Variants in PRKCA observed in about 807,000 individuals in gnomAD.
PRKCA encodes protein kinase C alpha type.
A neutral mutation model predicts 87.0 loss-of-function variants in PRKCA; 27 were observed. The observed-to-expected ratio is 0.31, with a 90% CI of 0.23 to 0.43. PRKCA has a LOEUF of 0.43. Among genes scored for constraint, PRKCA ranks in the 20% least tolerant of loss-of-function variants. The pLI, the probability that PRKCA is intolerant of heterozygous loss-of-function variation, is 1.00. For synonymous variants in PRKCA, 329 were observed against 311.1 expected, an observed-to-expected ratio of 1.06 and a Z score of -0.61; for missense variants, 518 against 852.3, an observed-to-expected ratio of 0.61 and a Z score of 4.88.
intron 2 of PRKCA, among the ~76,000 whole-genome samples, chr17:66,322,177 C>T (rs1905708972): frequency 6.6e-6 from 1 of 152,092 alleles, no homozygotes; most frequent in Admixed American, 6.6e-5. Flanking sequence ...GATCTTATGT[C>T]ATTGCCTGGT....
intron 13 of PRKCA, among the ~76,000 whole-genome samples, chr17:66,767,880 G>A (rs1055649698): frequency 3.9e-5 from 6 of 152,216 alleles, no homozygotes; most frequent in African/African-American, 1.2e-4. Flanking sequence ...ATCTGATGCT[G>A]AAGGTTTGCT....
chr17:66,486,832 T>G (rs1916009784), intron 2 of PRKCA, among the ~76,000 whole-genome samples: 1 of 152,154 alleles, frequency 6.6e-6, no homozygotes, highest in Admixed American at 6.5e-5. Flanking sequence ...ATAATAGTTG[T>G]ACATATTTTG....
rs1371602164 is a variant in PRKCA, at chr17:66,781,873, ATAT to A, written c.1606-4993_1606-4991del. Among the ~76,000 whole-genome samples the A allele has an allele frequency of 4.6e-5, 4 of 86,144 alleles. No homozygotes were observed. In the East Asian group the frequency reaches 1.0e-3, roughly 22 times the overall value. 56.5% of individuals were successfully genotyped at this position (86,144 alleles called of 152,430 possible). A position where few individuals can be genotyped will look rare whatever the true frequency, so the allele number is the denominator to read the frequency against. The stretch of plus-strand genomic sequence containing the variant: ...GTGAGAGAGAGAGAGAGAGAGATAT[ATAT>A]ATATATATATAGTGTGTGTGTGTGT... On this transcript the variant is annotated intron_variant, in intron 14 of 16. Coordinates refer to ENST00000413366, the MANE Select transcript of PRKCA (RefSeq NM_002737.3).
At chr17:66,572,230 A>G (rs762017644) in intron 3 of PRKCA, among the ~76,000 whole-genome samples, 1 of 152,102 alleles carries the variant, frequency 6.6e-6, no homozygotes, top group Non-Finnish European at 1.5e-5. Flanking sequence ...ACTTTGGGAG[A>G]CAGAGGTGGG....
chr17:66,593,430 A>G (rs227908), intron 3 of PRKCA, among the ~76,000 whole-genome samples: 924 of 152,320 alleles, frequency 6.1e-3, no homozygotes, highest in Non-Finnish European at 0.01. Flanking sequence ...GCCAAGACCC[A>G]TAAGCATCAC....
chr17:66,738,927 C>A, intron 11 of PRKCA, 72 bp downstream of exon 11: 2 of 1,205,272 alleles, frequency 1.7e-6, no homozygotes, highest in Non-Finnish European at 1.2e-6. Flanking sequence ...CTTTTTTCCC[C>A]CCCGCTTGAG....
intron 16 of PRKCA, among the ~76,000 whole-genome samples, chr17:66,800,437 C>T (rs1321099502): frequency 1.3e-5 from 2 of 152,188 alleles, no homozygotes; most frequent in Non-Finnish European, 1.5e-5. Context: ...CATTTTATCA[C>T]AGTACTTAGC....
intron 3 of PRKCA, among the ~76,000 whole-genome samples, chr17:66,635,948 T>A (rs959306477): frequency 6.6e-6 from 1 of 152,060 alleles, no homozygotes; most frequent in African/African-American, 2.4e-5. Context: ...TTATTTCAAA[T>A]TAAATAGCTT....
intron 2 of PRKCA, among the ~76,000 whole-genome samples, chr17:66,396,479 T>A (rs974548504): frequency 9.9e-5 from 15 of 152,186 alleles, no homozygotes; most frequent in African/African-American, 3.6e-4. Flanking sequence ...TACCTTTAGA[T>A]GTGTATTTGG....
chr17:66,697,944 C>T (rs1394034036), intron 8 of PRKCA, among the ~76,000 whole-genome samples: 1 of 152,186 alleles, frequency 6.6e-6, no homozygotes, highest in African/African-American at 2.4e-5. Flanking sequence ...AAACAGGAGG[C>T]TCTTAGCACC....
rs561355502 is a variant in PRKCA at position 66,803,912 on chromosome 17, C to T, written c.1894C>T (p.Arg632Ter). 2.5e-6 allele frequency: 4 copies of T among 1,613,934 alleles called. No homozygotes were observed. Among genetic ancestry groups the T allele is most frequent in the Non-Finnish European group, 3.4e-6 (4 of 1,179,904 alleles). ...GAENFDKFFT[R>*]GQPVLTPPDQ... Reference sequence around the variant, plus strand: ...AGAGAACTTTGACAAGTTCTTCACACGAGGACAGCCCGTCTTAACACCACC... The same window carrying T: ...AGAGAACTTTGACAAGTTCTTCACATGAGGACAGCCCGTCTTAACACCACC... Residue 632 changes from arginine (R) to a stop codon, truncating the protein, a stop_gained, in exon 17 of 17, where the codon CGA becomes TGA. Coordinates refer to ENST00000413366, the MANE Select transcript of PRKCA (RefSeq NM_002737.3). LOFTEE classifies it high-confidence loss of function. The surrounding 1 kb of genome is among the most constrained non-coding windows in gnomAD (Gnocchi z 4.4).
intron 2 of PRKCA, among the ~76,000 whole-genome samples, chr17:66,413,048 G>A (rs931071845): frequency 2.0e-5 from 3 of 151,858 alleles, no homozygotes; most frequent in South Asian, 4.2e-4. Flanking sequence ...CAGTTCTGAC[G>A]CTGCCCACCT....
At chr17:66,602,908 C>G (rs1970093452) in intron 3 of PRKCA, among the ~76,000 whole-genome samples, 1 of 152,140 alleles carries the variant, frequency 6.6e-6, no homozygotes, top group Non-Finnish European at 1.5e-5. Flanking sequence ...GGGGCGGTAA[C>G]CGGGGATTCA....
At chr17:66,728,127 C>T (rs754625161) in intron 8 of PRKCA, among the ~76,000 whole-genome samples, 1 of 152,224 alleles carries the variant, frequency 6.6e-6, no homozygotes, top group Non-Finnish European at 1.5e-5. Context: ...CTGCAGGTGG[C>T]AGCGTGGAGA....
chr17:66,451,253 T>C (rs1256374582), intron 2 of PRKCA, among the ~76,000 whole-genome samples: 3 of 152,234 alleles, frequency 2.0e-5, no homozygotes, highest in Non-Finnish European at 4.4e-5. Flanking sequence ...GTGCCTTTTT[T>C]CCAGATTTGA....
chr17:66,752,641 A>G (rs1194316195), intron 13 of PRKCA, among the ~76,000 whole-genome samples: 1 of 152,198 alleles, frequency 6.6e-6, no homozygotes, highest in African/African-American at 2.4e-5. Context: ...CAGGGCCTCC[A>G]TCAGGACCCG....
intron 2 of PRKCA, among the ~76,000 whole-genome samples, chr17:66,332,230 T>C (rs972471849): frequency 2.0e-5 from 2 of 98,816 alleles, no homozygotes; most frequent in African/African-American, 8.6e-5. Context: ...TCCTTCCTTC[T>C]TTTTTTTTTT....
intron 9 of PRKCA, among the ~76,000 whole-genome samples, chr17:66,734,002 G>T (rs1226593670): frequency 1.3e-5 from 2 of 152,172 alleles, no homozygotes; most frequent in African/African-American, 2.4e-5. Context: ...AAGTTAGGAG[G>T]GGCCTGATAG....
chr17:66,706,885 T>C (rs1278816880), intron 8 of PRKCA, among the ~76,000 whole-genome samples: 1 of 152,156 alleles, frequency 6.6e-6, no homozygotes, highest in Non-Finnish European at 1.5e-5. Context: ...GTCCTTTACA[T>C]AAAAAGTTTG....
Sources: gnomAD v4.1 joint callset for allele counts (sites outside exome capture counted in the v4.1 genomes callset) on GRCh38, gnomAD v4.1.1 for gene constraint, Gnocchi (gnomAD v3.1) non-coding constraint, MANE v1.5 for transcripts, NCBI Gene and HGNC (gene_info 2026-07-23, HGNC 2026-07-21) for gene names.